The following ADGRL3 variants were observed in gnomAD, a reference collection of about 807,000 sequenced individuals.
ADGRL3 encodes the protein adhesion G protein-coupled receptor L3.
A neutral mutation model predicts 153.5 loss-of-function variants in ADGRL3; 62 were observed. That is an observed-to-expected ratio of 0.40 (90% CI 0.33 to 0.50). The LOEUF (loss-of-function observed/expected upper bound fraction) is 0.50, where lower values mean the gene tolerates loss of function less well. Among genes scored for constraint, ADGRL3 ranks in the 20% least tolerant of loss-of-function variants. The pLI, the probability that ADGRL3 is intolerant of heterozygous loss-of-function variation, is 0.47. For missense variants in ADGRL3, 1,641 were observed against 1,859.4 expected (o/e 0.88, Z 2.16); for synonymous variants, 710 against 672.5 (o/e 1.06, Z -0.86).
intron 1 of ADGRL3, among the ~76,000 whole-genome samples, chr4:61,375,108 C>T (rs1333045331): frequency 6.6e-6 from 1 of 151,812 alleles, no homozygotes; most frequent in Non-Finnish European, 1.5e-5. Flanking sequence ...CTGGAACTGA[C>T]ATTCAGAAAC....
intron 1 of ADGRL3, among the ~76,000 whole-genome samples, chr4:61,227,880 A>T (rs1748691458): frequency 1.3e-5 from 2 of 152,194 alleles, no homozygotes; most frequent in Admixed American, 6.6e-5. Flanking sequence ...TTTTGTGTTA[A>T]AAGAAGTAGG....
chr4:62,014,736 T>C (rs1455115234), intron 21 of ADGRL3, among the ~76,000 whole-genome samples: 1 of 152,172 alleles, frequency 6.6e-6, no homozygotes, highest in East Asian at 1.9e-4. Flanking sequence ...AAAAGGAGTC[T>C]GTAAAATGCT....
intron 21 of ADGRL3, among the ~76,000 whole-genome samples, chr4:62,019,138 A>G (rs1036990606): frequency 5.9e-5 from 9 of 152,136 alleles, no homozygotes; most frequent in African/African-American, 2.2e-4. Context: ...AAGCCATTTT[A>G]CATTTGCTTT....
chr4:61,831,402 G>T (rs115150534), intron 9 of ADGRL3, among the ~76,000 whole-genome samples: 2 of 49,668 alleles, frequency 4.0e-5, no homozygotes, highest in African/African-American at 7.4e-5. Flanking sequence ...GAAAGGAAAA[G>T]ATGCTAAGTA....
At chr4:61,747,638 C>A (rs1262740742) in intron 8 of ADGRL3, among the ~76,000 whole-genome samples, 2 of 145,170 alleles carry the variant, frequency 1.4e-5, no homozygotes, top group African/African-American at 2.6e-5. Context: ...GCAGAAAAGG[C>A]CTTTGACAAA....
intron 2 of ADGRL3, among the ~76,000 whole-genome samples, chr4:61,458,347 T>C (rs1023173045): frequency 2.0e-5 from 3 of 151,416 alleles, no homozygotes; most frequent in Non-Finnish European, 4.4e-5. Flanking sequence ...TTGATGCTTG[T>C]TTTTTAGAGA....
intron 5 of ADGRL3, among the ~76,000 whole-genome samples, chr4:61,618,175 G>A (rs747889712): frequency 6.6e-6 from 1 of 152,126 alleles, no homozygotes; most frequent in Non-Finnish European, 1.5e-5. Flanking sequence ...AAAAGATGCT[G>A]CCTTGAAAAG....
chr4:61,424,900 AG>A (rs2097257822), intron 2 of ADGRL3, among the ~76,000 whole-genome samples: 1 of 152,130 alleles, frequency 6.6e-6, no homozygotes, highest in South Asian at 2.1e-4. Context: ...GTGGGAACGT[AG>A]CACCTCCCAG....
At chr4:61,264,065 C>T (rs1318865467) in intron 1 of ADGRL3, among the ~76,000 whole-genome samples, 1 of 151,952 alleles carries the variant, frequency 6.6e-6, no homozygotes, top group African/African-American at 2.4e-5. Context: ...TGCAATCAGA[C>T]TGGCCAATAT....
chr4:62,005,923 T>A (rs2099155720), intron 21 of ADGRL3, among the ~76,000 whole-genome samples: 1 of 145,908 alleles, frequency 6.9e-6, no homozygotes, highest in South Asian at 2.1e-4. Flanking sequence ...CAAAATTTGC[T>A]AGTTTTTATT....
chr4:61,410,231 A>C (rs2097068071), intron 2 of ADGRL3, among the ~76,000 whole-genome samples: 1 of 152,260 alleles, frequency 6.6e-6, no homozygotes, highest in African/African-American at 2.4e-5. Context: ...GATGAGCTAG[A>C]TACAACAGGA....
intron 8 of ADGRL3, among the ~76,000 whole-genome samples, chr4:61,769,994 C>T (rs1010863828): frequency 1.3e-4 from 20 of 152,230 alleles, no homozygotes; most frequent in African/African-American, 2.6e-4. Context: ...ACAGGGGATA[C>T]GATGGCTTGG....
chr4:61,323,605 T>C (rs1218552493), intron 1 of ADGRL3, among the ~76,000 whole-genome samples: 2 of 152,166 alleles, frequency 1.3e-5, no homozygotes, highest in Non-Finnish European at 2.9e-5. Context: ...GCCAGTTTCT[T>C]TGCTAAAACA....
At chr4:61,587,507 T>C (rs1383465192) in intron 5 of ADGRL3, 67 bp downstream of exon 5, 3 of 1,159,658 alleles carry the variant, frequency 2.6e-6, no homozygotes, top group African/African-American at 1.5e-5. Context: ...CTGTGTTACA[T>C]GTTAAGCATA....
rs1036453416 is a variant in ADGRL3, at chr4:62,073,660, G to A, written c.*2752G>A. 6.6e-6 allele frequency: 1 copy of A among 152,038 alleles called. No individual in the cohort carries two copies. Among genetic ancestry groups the A allele is most frequent in the African/African-American group, 2.4e-5 (1 of 41,418 alleles). The allele number at this position is 152,038 out of a possible 1,614,324, so 9.4% of individuals were successfully genotyped here. On this transcript the variant is annotated 3_prime_UTR_variant, in exon 27 of 27. Transcript: ENST00000683033. Reference sequence around the variant, plus strand: ...CTACCTCCCTGCCCATTATTTTTGTGTTTCTATATGGAAATTTGAAGCAGG... The same window carrying A: ...CTACCTCCCTGCCCATTATTTTTGTATTTCTATATGGAAATTTGAAGCAGG...
At chr4:61,845,981 T>C (rs926130158) in intron 9 of ADGRL3, among the ~76,000 whole-genome samples, 1 of 152,202 alleles carries the variant, frequency 6.6e-6, no homozygotes, top group Non-Finnish European at 1.5e-5. Flanking sequence ...CAGCAATTCC[T>C]TCATTTGTTC....
chr4:61,259,956 C>T (rs2092378393), intron 1 of ADGRL3, among the ~76,000 whole-genome samples: 1 of 152,074 alleles, frequency 6.6e-6, no homozygotes, highest in Non-Finnish European at 1.5e-5. Context: ...TCTAACACTA[C>T]TAGAGGCTTC....
chr4:61,584,412 C>T (rs974212024), intron 4 of ADGRL3, among the ~76,000 whole-genome samples: 2 of 151,956 alleles, frequency 1.3e-5, no homozygotes, highest in Non-Finnish European at 2.9e-5. Flanking sequence ...ACTGACTTTG[C>T]AACTGCCTAG....
At chr4:61,452,476 C>T (rs2097687911) in intron 2 of ADGRL3, among the ~76,000 whole-genome samples, 1 of 152,198 alleles carries the variant, frequency 6.6e-6, no homozygotes, top group Non-Finnish European at 1.5e-5. Context: ...CCAAATCTTG[C>T]AGATATTGTC....
Sources: allele counts gnomAD v4.1 joint callset (sites outside exome capture counted in the v4.1 genomes callset), GRCh38; gene constraint gnomAD v4.1.1; transcripts MANE v1.5; gene names NCBI Gene and HGNC (gene_info 2026-07-23, HGNC 2026-07-21).